The following SETDB2 variants were observed in gnomAD, a reference collection of about 807,000 sequenced individuals.
SETDB2 encodes the protein histone-lysine N-methyltransferase SETDB2.
Under a neutral mutation model 82.5 loss-of-function variants are expected in SETDB2, and 56 were observed. That is an observed-to-expected ratio of 0.68 (90% CI 0.55 to 0.85). The LOEUF is 0.85. Ranked by LOEUF, SETDB2 falls within the 40% of genes least tolerant of loss-of-function variation. The pLI is 0.00. For missense variants in SETDB2, 677 were observed against 816.4 expected (o/e 0.83, Z 2.08); for synonymous variants, 272 against 284.9 (o/e 0.95, Z 0.46).
At position 49,461,123 on chromosome 13, in the gene SETDB2, A is replaced by T; in HGVS notation, c.169A>T (p.Asn57Tyr). ...KEYIQAMILV[N>Y]EATIINSSTS... ...ATACATCCAAGCAATGATTCTAGTG[A>T]ATGAAGCAACTATAATTAACAGTTC... Residue 57 changes from asparagine to tyrosine, a missense_variant, in exon 4 of 14, where the codon AAT becomes TAT. Asn to Tyr is a moderately radical substitution (Grantham distance 143). This residue lies in a region of SETDB2 where 243 missense variants were observed against 237.2 expected (regional missense o/e 1.02). Coordinates refer to ENST00000611815, the MANE Select transcript of SETDB2 (RefSeq NM_001160308.3). The T allele has an allele frequency of 6.2e-7, 1 of 1,611,794 alleles. No homozygotes were observed. The highest frequency in any genetic ancestry group is 8.5e-7 in the Non-Finnish European group (1 of 1,178,264).
intron 4 of SETDB2, among the ~76,000 whole-genome samples, chr13:49,463,134 T>C (rs1015954786): frequency 1.3e-5 from 2 of 151,308 alleles, no homozygotes; most frequent in African/African-American, 4.9e-5. Context: ...GCCTCCCGAG[T>C]AGCTGGGACT....
rs764277418 is a variant in SETDB2, at chr13:49,467,846, CATT to C, written c.209-14_209-12del. ...TTTAACTTGGTATATTTGTTGCTCA[CATT>C]ATTTTTTTGTGTAGATCCTATGCCT... On this transcript the variant is annotated splice_polypyrimidine_tract_variant and intron_variant, in intron 4 of 13. Transcript: ENST00000611815. The C allele has an allele frequency of 2.5e-5, 39 of 1,577,318 alleles. No homozygotes were observed. The East Asian group carries it at 3.2e-4, about 13-fold the overall frequency.
chr13:49,484,600 A>G (rs1421756722), intron 10 of SETDB2, among the ~76,000 whole-genome samples: 2 of 152,160 alleles, frequency 1.3e-5, no homozygotes, highest in East Asian at 3.9e-4. Flanking sequence ...GAAAGAAGAG[A>G]TGCAATTTTA....
intron 2 of SETDB2, among the ~76,000 whole-genome samples, chr13:49,453,547 C>T (rs937268888): frequency 1.3e-5 from 2 of 152,134 alleles, no homozygotes; most frequent in South Asian, 2.1e-4. Context: ...ATCCACCCGC[C>T]TTAGCCTCCC....
intron 2 of SETDB2, 152 bp downstream of exon 2, chr13:49,452,061 T>C (rs1957795501): frequency 4.1e-6 from 2 of 490,726 alleles, no homozygotes; most frequent in Non-Finnish European, 7.0e-6. Flanking sequence ...TAGCCACCAA[T>C]TTTGACTGTC....
In SETDB2 at chr13:49,483,547, A is replaced by G; in HGVS notation, c.1466A>G (p.His489Arg). 6.8e-7 allele frequency: 1 copy of G among 1,466,054 alleles called. No individual in the cohort carries two copies. Among genetic ancestry groups the G allele is most frequent in the East Asian group, 2.5e-5 (1 of 39,578 alleles). 90.8% of individuals were successfully genotyped at this position (1,466,054 alleles called of 1,614,324 possible). A position where few individuals can be genotyped will look rare whatever the true frequency, so the allele number is the denominator to read the frequency against. Residue 489 changes from histidine (H) to arginine (R), a missense_variant, in exon 10 of 14, where the codon CAC becomes CGC. Transcript: ENST00000611815. ...GAATCCAAGACAGCCATTTTTCAACACAATGGGAAAAAAATGGTAAAAAAT... is the reference window on the plus strand; with the variant it reads ...GAATCCAAGACAGCCATTTTTCAACGCAATGGGAAAAAAATGGTAAAAAAT... ...DPESKTAIFQ[H>R]NGKKMEFVSS... is the part of the protein sequence containing the mutation.
intron 5 of SETDB2, among the ~76,000 whole-genome samples, chr13:49,472,712 C>T (rs1958274855): frequency 6.6e-6 from 1 of 152,120 alleles, no homozygotes. Context: ...TAAAATGAAG[C>T]ACAGATAAGA....
In SETDB2 at chr13:49,494,892, T is replaced by G. The variant is rs954905565; in HGVS notation, c.*3043T>G. 1 of 152,152 alleles carries G rather than the reference T, an allele frequency of 6.6e-6. No homozygotes were observed. Among genetic ancestry groups the G allele is most frequent in the Non-Finnish European group, 1.5e-5 (1 of 68,028 alleles). The allele number at this position is 152,152 out of a possible 1,614,324, so 9.4% of individuals were successfully genotyped here. On this transcript the variant is annotated 3_prime_UTR_variant, in exon 14 of 14. Coordinates refer to ENST00000611815, the MANE Select transcript of SETDB2 (RefSeq NM_001160308.3). Reference sequence around the variant, plus strand: ...TATATGTCTTTTTTCCAGAACAACTTATTTTTTAACTATAATTATATGCAT... The same window carrying G: ...TATATGTCTTTTTTCCAGAACAACTGATTTTTTAACTATAATTATATGCAT...
In SETDB2 at chr13:49,451,842, AT is replaced by A; in HGVS notation, c.-49del. The A allele has an allele frequency of 1.4e-6, 2 of 1,451,224 alleles. No homozygotes were observed. The highest frequency in any genetic ancestry group is 1.9e-6 in the Non-Finnish European group (2 of 1,047,926). The allele number at this position is 1,451,224 out of a possible 1,614,324, so 89.9% of individuals were successfully genotyped here. On this transcript the variant is annotated 5_prime_UTR_variant, in exon 2 of 14. Transcript: ENST00000611815. Reference sequence around the variant, plus strand: ...CCAGTGATATTCTGCAATCAAAGTGATTTGATAAACCTAATTTTGAAGCATT... The same window carrying A: ...CCAGTGATATTCTGCAATCAAAGTGATTGATAAACCTAATTTTGAAGCATT...
Position 49,467,925 on chromosome 13 carries a change from A to G in SETDB2, c.270A>G (p.Ser90=). 3.1e-6 allele frequency: 5 copies of G among 1,610,550 alleles called. No individual in the cohort carries two copies. The highest frequency in any genetic ancestry group is 4.2e-6 in the Non-Finnish European group (5 of 1,178,738). ...ENKSNAFPST[S]CENSFPEDCT... is the part of the protein sequence containing the mutation. Reference sequence around the variant, plus strand: ...AATCCAATGCATTTCCCTCTACATCATGTGAAAACTCCTTTCCAGAAGACT... The same window carrying G: ...AATCCAATGCATTTCCCTCTACATCGTGTGAAAACTCCTTTCCAGAAGACT... Residue 90 remains serine (S), a synonymous_variant, in exon 5 of 14, where the codon TCA becomes TCG. Coordinates refer to ENST00000611815, the MANE Select transcript of SETDB2 (RefSeq NM_001160308.3).
intron 1 of SETDB2, among the ~76,000 whole-genome samples, chr13:49,447,999 TA>T (rs942649262): frequency 1.3e-4 from 19 of 151,350 alleles, no homozygotes; most frequent in African/African-American, 2.7e-4. Context: ...TCATATCTCA[TA>T]AAAAAAAATT....
At chr13:49,456,452 A>G (rs954541428) in intron 2 of SETDB2, among the ~76,000 whole-genome samples, 5 of 152,130 alleles carry the variant, frequency 3.3e-5, no homozygotes, top group Admixed American at 6.5e-5. Flanking sequence ...AATAGTCATA[A>G]CTGGCTAAAT....
At position 49,476,683 on chromosome 13, in the gene SETDB2, T is replaced by G; in HGVS notation, c.513T>G (p.His171Gln). The change falls in exon 6 of 14, where the codon CAT (histidine) becomes CAG (glutamine). Residue 171 changes from histidine (H) to glutamine (Q), a missense_variant. This residue lies in a region of SETDB2 where 243 missense variants were observed against 237.2 expected (regional missense o/e 1.02). Coordinates refer to ENST00000611815, the MANE Select transcript of SETDB2 (RefSeq NM_001160308.3). The part of the protein sequence containing the change: ...FQRRHAKTNS[H>Q]SSALHVSYKT... ...GACGACATGCAAAGACAAACTCTCA[T>G]TCTTCAGCACTCCACGTGAGTTATA... 6.2e-7 allele frequency: 1 copy of G among 1,614,188 alleles called. No individual in the cohort carries two copies. Among genetic ancestry groups the G allele is most frequent in the African/African-American group, 1.3e-5 (1 of 75,054 alleles).
At chr13:49,456,518 G>A (rs1307640963) in intron 2 of SETDB2, among the ~76,000 whole-genome samples, 1 of 152,026 alleles carries the variant, frequency 6.6e-6, no homozygotes, top group Non-Finnish European at 1.5e-5. Context: ...TTCATTTCTG[G>A]GGGCAAATAG....
chr13:49,467,275 A>T (rs1041171721), intron 4 of SETDB2, among the ~76,000 whole-genome samples: 2 of 152,012 alleles, frequency 1.3e-5, no homozygotes, highest in African/African-American at 4.8e-5. Context: ...CATGCCTGTA[A>T]TCCCAACTAC....
chr13:49,474,363 G>T (rs7317736), intron 5 of SETDB2, among the ~76,000 whole-genome samples: 4,253 of 152,214 alleles, frequency 0.028, 208 homozygotes, highest in African/African-American at 0.098. Context: ...ATGAAACTCT[G>T]TGAAAACAGG....
intron 2 of SETDB2, among the ~76,000 whole-genome samples, chr13:49,453,566 G>C (rs9568209): frequency 0.043 from 6,470 of 152,192 alleles, 216 homozygotes; most frequent in East Asian, 0.16. Flanking sequence ...CCAAAGCGCT[G>C]GGATTACAGG....
At chr13:49,463,562 T>C (rs1958041659) in intron 4 of SETDB2, among the ~76,000 whole-genome samples, 1 of 152,168 alleles carries the variant, frequency 6.6e-6, no homozygotes, top group Admixed American at 6.5e-5. Context: ...GTTAATCAAA[T>C]TGTGACAGGT....
At chr13:49,454,968 T>C (rs1957854821) in intron 2 of SETDB2, among the ~76,000 whole-genome samples, 1 of 152,102 alleles carries the variant, frequency 6.6e-6, no homozygotes, top group Admixed American at 6.5e-5. Context: ...CTTACTGTAA[T>C]AGAAATTGAA....
Sources: allele counts gnomAD v4.1 joint callset (sites outside exome capture counted in the v4.1 genomes callset), GRCh38; gene constraint gnomAD v4.1.1; regional missense constraint gnomAD v4.1.1; transcripts MANE v1.5; gene names NCBI Gene and HGNC (gene_info 2026-07-23, HGNC 2026-07-21).